EYA2: variants seen among roughly 807,000 people sequenced by gnomAD.
EYA2 encodes protein phosphatase EYA2.
A neutral mutation model predicts 69.2 loss-of-function variants in EYA2; 31 were observed. The ratio of observed to expected loss-of-function variants is 0.45; its 90% CI spans 0.34 to 0.60. The LOEUF (loss-of-function observed/expected upper bound fraction) is 0.60. Ranked by LOEUF, EYA2 falls within the 20% of genes least tolerant of loss-of-function variation. EYA2 has a pLI of 0.02. For missense variants in EYA2, 622 were observed against 701.2 expected, an observed-to-expected ratio of 0.89 and a Z score of 1.28; for synonymous variants, 257 against 279.4, an observed-to-expected ratio of 0.92 and a Z score of 0.80.
chr20:46,928,625 G>C (rs1230982884), intron 1 of EYA2, among the ~76,000 whole-genome samples: 4 of 152,222 alleles, frequency 2.6e-5, no homozygotes, highest in Non-Finnish European at 4.4e-5. Flanking sequence ...CCACCCCCTG[G>C]ACTCTGTGCC....
intron 1 of EYA2, among the ~76,000 whole-genome samples, chr20:46,899,849 T>C (rs1984005710): frequency 6.6e-6 from 1 of 152,172 alleles, no homozygotes; most frequent in Non-Finnish European, 1.5e-5. Context: ...CTTTGGATGA[T>C]AGTAGTCAGA....
chr20:47,161,079 G>T, intron 10 of EYA2: 1 of 306,596 alleles, frequency 3.3e-6, no homozygotes, highest in Non-Finnish European at 6.1e-6. Context: ...ATAGATACCC[G>T]CCATCAGCAG....
chr20:46,925,573 A>C (rs1395822528), intron 1 of EYA2, among the ~76,000 whole-genome samples: 1 of 152,240 alleles, frequency 6.6e-6, no homozygotes, highest in African/African-American at 2.4e-5. Context: ...ATGACTTTTA[A>C]ATATTTGAAA....
At chr20:47,019,583 A>G (rs1183437174) in intron 5 of EYA2, among the ~76,000 whole-genome samples, 2 of 152,188 alleles carry the variant, frequency 1.3e-5, no homozygotes, top group Non-Finnish European at 2.9e-5. Flanking sequence ...GGAAGAAGAA[A>G]ATAAAGAAGA....
At chr20:47,025,691 G>A (rs1333954875) in intron 5 of EYA2, among the ~76,000 whole-genome samples, 1 of 152,136 alleles carries the variant, frequency 6.6e-6, no homozygotes, top group Non-Finnish European at 1.5e-5. Flanking sequence ...CCAAAAAGTA[G>A]GAGTTGGGGT....
chr20:46,922,478 T>C (rs1417110692), intron 1 of EYA2, among the ~76,000 whole-genome samples: 1 of 152,248 alleles, frequency 6.6e-6, no homozygotes, highest in Non-Finnish European at 1.5e-5. Flanking sequence ...CAGTGAATTT[T>C]GAAATGTAAC....
chr20:47,086,815 T>G (rs1026013124), intron 7 of EYA2, among the ~76,000 whole-genome samples: 3 of 151,752 alleles, frequency 2.0e-5, no homozygotes, highest in Non-Finnish European at 4.4e-5. Flanking sequence ...TTTGTTGTTT[T>G]TTTTTTTGGC....
intron 15 of EYA2, 37 bp from the exon 16 acceptor site, chr20:47,188,016 G>A (rs369669079): frequency 2.4e-5 from 37 of 1,551,860 alleles, no homozygotes; most frequent in Admixed American, 1.6e-4. Flanking sequence ...GGGCAGGGGC[G>A]GGGCCATAAC....
At chr20:46,900,642 G>A (rs1232231302) in intron 1 of EYA2, among the ~76,000 whole-genome samples, 1 of 152,206 alleles carries the variant, frequency 6.6e-6, no homozygotes, top group Non-Finnish European at 1.5e-5. Flanking sequence ...TTTGACTTAT[G>A]TCAAAAAGCC....
intron 14 of EYA2, among the ~76,000 whole-genome samples, chr20:47,182,838 G>A (rs1275677173): frequency 6.6e-6 from 1 of 151,988 alleles, no homozygotes; most frequent in East Asian, 1.9e-4. Context: ...TCAGGAGGCC[G>A]AGGCAGGAGA....
At chr20:47,057,085 A>AAGGAAGAAAGGAAGGAGGGAGGG (rs1473583487) in intron 5 of EYA2, among the ~76,000 whole-genome samples, 37 of 123,298 alleles carry the variant, frequency 3.0e-4, no homozygotes, top group African/African-American at 1.1e-3. Flanking sequence ...GGGAGGGAGG[A>AAGGAAGAAAGGAAGGAGGGAGGG]AGGAAGAAAG....
At chr20:47,094,363 AT>A (rs1568774538) in intron 8 of EYA2, among the ~76,000 whole-genome samples, 2 of 152,250 alleles carry the variant, frequency 1.3e-5, no homozygotes, top group Admixed American at 6.5e-5. Context: ...CATTTTTACC[AT>A]GACCCGTAAT....
At chr20:47,088,869 C>T (rs1311269507) in intron 7 of EYA2, among the ~76,000 whole-genome samples, 2 of 152,174 alleles carry the variant, frequency 1.3e-5, no homozygotes, top group Admixed American at 1.3e-4. Context: ...GCCCCCACGC[C>T]GGGCCCCCTG....
intron 4 of EYA2, among the ~76,000 whole-genome samples, chr20:47,008,049 G>A (rs1000320176): frequency 2.0e-5 from 3 of 152,146 alleles, no homozygotes; most frequent in African/African-American, 7.2e-5. Context: ...GGAGGCCTGG[G>A]GCGAGGCCAT....
intron 10 of EYA2, among the ~76,000 whole-genome samples, chr20:47,144,128 C>T (rs966344860): frequency 1.1e-4 from 17 of 152,240 alleles, no homozygotes; most frequent in African/African-American, 2.6e-4. Context: ...GAGGCCGAGG[C>T]GGGTGGATCA....
In EYA2 at chr20:47,045,693, A is replaced by G. The variant is rs943370003; in HGVS notation, c.416-26492A>G. Among the ~76,000 whole-genome samples the G allele has an allele frequency of 2.6e-5, 4 of 152,238 alleles. No homozygotes were observed. The East Asian group carries it at 7.7e-4, about 29-fold the overall frequency. On this transcript the variant is annotated intron_variant, in intron 5 of 15. Coordinates refer to ENST00000327619, the MANE Select transcript of EYA2 (RefSeq NM_005244.5). ...TACATGAGCAATGGAATTGCTATGG[A>G]ACCAAGAGAACTTTTGTCAGGAATT...
intron 11 of EYA2, among the ~76,000 whole-genome samples, chr20:47,169,811 GT>G (rs1460306942): frequency 6.6e-6 from 1 of 152,176 alleles, no homozygotes; most frequent in Non-Finnish European, 1.5e-5. Context: ...CAAGCTCAGA[GT>G]TTCACGTGCT....
chr20:46,978,748 G>T, intron 1 of EYA2: 1 of 527,846 alleles, frequency 1.9e-6, no homozygotes. Flanking sequence ...TGGTCTTCCT[G>T]GGCAGAGAGG....
At chr20:46,959,204 T>A (rs1011449284) in intron 1 of EYA2, among the ~76,000 whole-genome samples, 3 of 152,236 alleles carry the variant, frequency 2.0e-5, no homozygotes, top group African/African-American at 7.2e-5. Context: ...GAGTAATATG[T>A]GCAGAATGAC....
Sources: gnomAD v4.1 joint callset for allele counts (sites outside exome capture counted in the v4.1 genomes callset) on GRCh38, gnomAD v4.1.1 for gene constraint, MANE v1.5 for transcripts, NCBI Gene and HGNC (gene_info 2026-07-23, HGNC 2026-07-21) for gene names.